CEP70: variants seen among roughly 807,000 people sequenced by gnomAD.
The protein encoded by CEP70 is centrosomal protein 70.
A neutral mutation model predicts 90.9 loss-of-function variants in CEP70; 70 were observed. The ratio of observed to expected loss-of-function variants is 0.77; its 90% CI spans 0.64 to 0.94. CEP70 has a LOEUF of 0.94. Among genes scored for constraint, CEP70 ranks in the 40% least tolerant of loss-of-function variants. CEP70 has a pLI of 0.00. For synonymous variants in CEP70, 220 were observed against 228.3 expected, an observed-to-expected ratio of 0.96 and a Z score of 0.33; for missense variants, 648 against 669.0, an observed-to-expected ratio of 0.97 and a Z score of 0.35.
At chr3:138,571,466 T>A in intron 3 of CEP70, 110 bp from the exon 4 acceptor site, 2 of 756,210 alleles carry the variant, frequency 2.6e-6, no homozygotes, top group Non-Finnish European at 4.3e-6. Flanking sequence ...TCAAAAGTTT[T>A]AAGTATAAAT....
At chr3:138,573,035 T>C (rs2041284510) in intron 2 of CEP70, 103 bp from the exon 3 acceptor site, 5 of 790,690 alleles carry the variant, frequency 6.3e-6, no homozygotes, top group Non-Finnish European at 1.1e-5. Context: ...AAAGTATATT[T>C]AAAAGAATCC....
chr3:138,508,678 C>T (rs1310696306), intron 11 of CEP70, 134 bp from the exon 12 acceptor site: 1 of 643,878 alleles, frequency 1.6e-6, no homozygotes, highest in Non-Finnish European at 2.8e-6. Flanking sequence ...TGTGTGCACA[C>T]ATGTATGTAT....
At chr3:138,567,888 G>A (rs1563615) in intron 6 of CEP70, among the ~76,000 whole-genome samples, 10,812 of 152,084 alleles carry the variant, frequency 0.071, 786 homozygotes, top group East Asian at 0.38. Context: ...AATCTGAAAG[G>A]GTAGAAGTAA....
chr3:138,592,258 G>C (rs2042421226), intron 1 of CEP70, among the ~76,000 whole-genome samples: 2 of 152,118 alleles, frequency 1.3e-5, no homozygotes. Flanking sequence ...ATTCTCATTT[G>C]CAAGGATACT....
At chr3:138,543,362 C>T (rs2038917576) in intron 6 of CEP70, among the ~76,000 whole-genome samples, 1 of 152,206 alleles carries the variant, frequency 6.6e-6, no homozygotes, top group Admixed American at 6.5e-5. Context: ...CATGTCAGCA[C>T]TGCCCCGAGT....
chr3:138,506,119 G>A (rs938293705), intron 12 of CEP70, among the ~76,000 whole-genome samples: 6 of 152,162 alleles, frequency 3.9e-5, no homozygotes, highest in Admixed American at 2.0e-4. Flanking sequence ...AATAAAGCAT[G>A]CATCTTTTAA....
At chr3:138,562,102 T>A (rs891638816) in intron 6 of CEP70, among the ~76,000 whole-genome samples, 1 of 148,252 alleles carries the variant, frequency 6.7e-6, no homozygotes. Flanking sequence ...AGAAAGGATA[T>A]CAGAGATTGA....
At chr3:138,549,674 G>A (rs2039476205) in intron 6 of CEP70, among the ~76,000 whole-genome samples, 1 of 152,036 alleles carries the variant, frequency 6.6e-6, no homozygotes, top group Non-Finnish European at 1.5e-5. Context: ...GAGTTCTAGG[G>A]CCCTGCCTAC....
At chr3:138,551,604 G>C (rs2039618461) in intron 6 of CEP70, among the ~76,000 whole-genome samples, 1 of 151,954 alleles carries the variant, frequency 6.6e-6, no homozygotes, top group African/African-American at 2.4e-5. Context: ...AAATTCACCA[G>C]GCATGTTGGC....
At chr3:138,524,488 G>A (rs2037006047) in intron 11 of CEP70, among the ~76,000 whole-genome samples, 1 of 152,092 alleles carries the variant, frequency 6.6e-6, no homozygotes, top group Non-Finnish European at 1.5e-5. Flanking sequence ...CTACAGAATG[G>A]GAGAAAATTT....
At position 138,591,965 on chromosome 3, in the gene CEP70, CA is replaced by C; in HGVS notation, c.-108-10del. On this transcript the variant is annotated splice_polypyrimidine_tract_variant and intron_variant, in intron 1 of 17. Coordinates refer to ENST00000264982, the MANE Select transcript of CEP70 (RefSeq NM_024491.4). Reference sequence around the variant, plus strand: ...TGAAACTGGATCTTCATCTAGGTTTCAAAAAGATAAAAAGAACAAAATCTTG... The same window carrying C: ...TGAAACTGGATCTTCATCTAGGTTTCAAAAGATAAAAAGAACAAAATCTTG... The C allele has an allele frequency of 2.2e-6, 2 of 903,250 alleles. No individual in the cohort carries two copies. The highest frequency in any genetic ancestry group is 1.6e-6 in the Non-Finnish European group (1 of 621,854). 56.0% of individuals were successfully genotyped at this position (903,250 alleles called of 1,614,324 possible).
intron 2 of CEP70, among the ~76,000 whole-genome samples, chr3:138,574,609 T>C (rs755616798): frequency 1.8e-4 from 27 of 152,168 alleles, no homozygotes; most frequent in Non-Finnish European, 3.4e-4. Context: ...AGCATGGTGT[T>C]TGAGCTCTGA....
intron 6 of CEP70, among the ~76,000 whole-genome samples, chr3:138,542,344 G>C (rs2038838201): frequency 6.6e-6 from 1 of 152,226 alleles, no homozygotes; most frequent in East Asian, 1.9e-4. Context: ...AACCACAGAG[G>C]CCCAAAGAGG....
rs576119443 is a variant in CEP70 at position 138,497,831 on chromosome 3, T to G, written c.1732+200A>C. ...GTCCTCCAACAAAGGTAGTTCCTAT[T>G]GCTGTTAAGGGTCTGTGTTTCTGTT... On this transcript the variant is annotated intron_variant, in intron 17 of 17. Coordinates refer to ENST00000264982, the MANE Select transcript of CEP70 (RefSeq NM_024491.4). The G allele has an allele frequency of 1.1e-4, 111 of 985,444 alleles. No homozygotes were observed. In the South Asian group the frequency reaches 4.9e-3, roughly 44 times the overall value. The allele number at this position is 985,444 out of a possible 1,614,324, so 61.0% of individuals were successfully genotyped here.
At chr3:138,539,342 G>A (rs1163435661) in intron 6 of CEP70, among the ~76,000 whole-genome samples, 2 of 152,112 alleles carry the variant, frequency 1.3e-5, no homozygotes, top group Admixed American at 6.5e-5. Context: ...GAATTTTCAT[G>A]TTATATCTCT....
At position 138,495,056 on chromosome 3, in the gene CEP70, T is replaced by C; in HGVS notation, c.1753A>G (p.Ile585Val). The change falls in exon 18 of 18, where the codon ATT becomes GTT. Residue 585 changes from isoleucine to valine, a missense_variant. By Grantham distance (29) the Ile-to-Val change is conservative (BLOSUM62 3). Transcript: ENST00000264982. Reference sequence around the variant, plus strand: ...TTTAATTTCTTTACTGCAGGTACAATGGCATCCAAGTCATCAATTTCTGTA... The same window carrying C: ...TTTAATTTCTTTACTGCAGGTACAACGGCATCCAAGTCATCAATTTCTGTA... ...EILEIDDLDA[I>V]VPAVKKLKVL... The C allele has an allele frequency of 6.4e-7, 1 of 1,559,046 alleles. No homozygotes were observed. The highest frequency in any genetic ancestry group is 8.8e-7 in the Non-Finnish European group (1 of 1,132,388).
chr3:138,591,801 A>T, intron 2 of CEP70, 53 bp downstream of exon 2: 1 of 1,465,710 alleles, frequency 6.8e-7, no homozygotes, highest in Non-Finnish European at 9.2e-7. Context: ...TAAATATTAG[A>T]TTTTTTTCCA....
At chr3:138,592,563 G>GGGGTAGGAGTCGGA (rs1277533199) in intron 1 of CEP70, among the ~76,000 whole-genome samples, 1 of 150,244 alleles carries the variant, frequency 6.7e-6, no homozygotes, top group African/African-American at 2.5e-5. Flanking sequence ...TAGGAGTCGG[G>GGGGTAGGAGTCGGA]GGGTAGGAGT....
intron 6 of CEP70, among the ~76,000 whole-genome samples, chr3:138,545,429 T>G (rs190409875): frequency 1.4e-3 from 213 of 152,228 alleles, no homozygotes; most frequent in African/African-American, 4.9e-3. Flanking sequence ...CTGTTATCTT[T>G]GTAAGCTGAG....
Sources: allele counts gnomAD v4.1 joint callset (sites outside exome capture counted in the v4.1 genomes callset), GRCh38; gene constraint gnomAD v4.1.1; transcripts MANE v1.5; gene names NCBI Gene and HGNC (gene_info 2026-07-23, HGNC 2026-07-21).